KANK1: variants seen among roughly 807,000 people sequenced by gnomAD.
KANK1 encodes KN motif and ankyrin repeat domains 1, also known as KN motif and ankyrin repeat domain-containing protein 1.
Under a neutral mutation model 106.2 loss-of-function variants are expected in KANK1, and 109 were observed. The ratio of observed to expected loss-of-function variants is 1.03; its 90% confidence interval spans 0.88 to 1.20. The LOEUF is 1.20. Ranked by LOEUF, KANK1 falls within the 50% of genes most tolerant of loss-of-function variation. The pLI is 0.00. For missense variants in KANK1, 2,399 were observed against 1,710.7 expected (o/e 1.40, Z -7.10); for synonymous variants, 873 against 652.2 (o/e 1.34, Z -5.16).
At chr9:603,458 G>C (rs1828284993) in intron 1 of KANK1, among the ~76,000 whole-genome samples, 3 of 151,762 alleles carry the variant, frequency 2.0e-5, no homozygotes, top group Non-Finnish European at 4.4e-5. Context: ...CTAATGTAAA[G>C]GTTAGTAATG....
intron 1 of KANK1, among the ~76,000 whole-genome samples, chr9:635,109 C>A (rs1441563974): frequency 6.6e-6 from 1 of 152,150 alleles, no homozygotes; most frequent in Non-Finnish European, 1.5e-5. Flanking sequence ...TGGTAACCAG[C>A]ATGGGGGAAC....
intron 1 of KANK1, among the ~76,000 whole-genome samples, chr9:615,382 A>C (rs1831558786): frequency 6.6e-6 from 1 of 152,098 alleles, no homozygotes. Context: ...TTTTTGCTAG[A>C]ATTCCCTCTT....
chr9:645,126 C>CA (rs56391632), intron 1 of KANK1, among the ~76,000 whole-genome samples: 24,869 of 70,962 alleles, frequency 0.35, 4,267 homozygotes, highest in Non-Finnish European at 0.38. Context: ...TCCATCTCTA[C>CA]AAAAAAAAAA....
At chr9:614,079 C>A (rs150390046) in intron 1 of KANK1, among the ~76,000 whole-genome samples, 15 of 152,278 alleles carry the variant, frequency 9.9e-5, no homozygotes, top group African/African-American at 3.4e-4. Context: ...GCAGAGTGCT[C>A]AGTTCTTGGT....
intron 3 of KANK1, among the ~76,000 whole-genome samples, chr9:497,956 G>A (rs924454916): frequency 6.6e-6 from 1 of 152,038 alleles, no homozygotes; most frequent in Non-Finnish European, 1.5e-5. Flanking sequence ...GTATGACTTC[G>A]GGGATCTCTC....
intron 2 of KANK1, among the ~76,000 whole-genome samples, chr9:685,043 C>G (rs1046579829): frequency 1.3e-5 from 2 of 152,150 alleles, no homozygotes; most frequent in African/African-American, 2.4e-5. Context: ...AGACTCTTTT[C>G]TTTTTCCTTC....
intron 2 of KANK1, among the ~76,000 whole-genome samples, chr9:709,110 C>T (rs1421461415): frequency 6.6e-6 from 1 of 152,154 alleles, no homozygotes; most frequent in East Asian, 1.9e-4. Context: ...CAATACAAAA[C>T]AAGGTGTTCC....
chr9:495,404 T>C (rs1208384504), intron 3 of KANK1: 2 of 152,200 alleles, frequency 1.3e-5, no homozygotes, highest in African/African-American at 4.8e-5. Context: ...CCAGATCCTA[T>C]GAGCAGAGAG....
intron 3 of KANK1, 24 bp from the exon 4 acceptor site, chr9:730,027 C>G (rs1183241746): frequency 6.2e-7 from 1 of 1,604,868 alleles, no homozygotes. Flanking sequence ...ATCACACACT[C>G]TGTACCTTTC....
intron 1 of KANK1, among the ~76,000 whole-genome samples, chr9:651,428 G>T (rs774761912): frequency 2.7e-4 from 41 of 152,164 alleles, no homozygotes; most frequent in Non-Finnish European, 4.6e-4. Context: ...CCTAACAGTG[G>T]CAGGAATAGC....
chr9:578,768 C>T (rs1303236613), intron 1 of KANK1, among the ~76,000 whole-genome samples: 3 of 152,136 alleles, frequency 2.0e-5, no homozygotes, highest in Admixed American at 6.5e-5. Flanking sequence ...TATTCCAAAT[C>T]CTACCAGTTC....
At chr9:629,780 G>T (rs1401465873) in intron 1 of KANK1, among the ~76,000 whole-genome samples, 1 of 152,162 alleles carries the variant, frequency 6.6e-6, no homozygotes, top group African/African-American at 2.4e-5. Context: ...AAGTAGAGAG[G>T]AGAATTAGAC....
At chr9:508,752 A>G (rs1431725537) in intron 1 of KANK1, among the ~76,000 whole-genome samples, 3 of 151,934 alleles carry the variant, frequency 2.0e-5, no homozygotes, top group South Asian at 4.1e-4. Flanking sequence ...CTGCTGTGTA[A>G]TATTCAATTG....
chr9:727,526 G>C (rs1052083180), intron 3 of KANK1, among the ~76,000 whole-genome samples: 1 of 151,970 alleles, frequency 6.6e-6, no homozygotes, highest in Non-Finnish European at 1.5e-5. Context: ...ATGTTGGCCA[G>C]GCTGGTCTCA....
At chr9:537,047 G>A (rs530046739) in intron 1 of KANK1, among the ~76,000 whole-genome samples, 14 of 152,284 alleles carry the variant, frequency 9.2e-5, no homozygotes, top group African/African-American at 2.4e-4. Context: ...AGAGAGAAGC[G>A]AGGAGACCAC....
chr9:740,670 C>G, intron 8 of KANK1, 122 bp from the exon 9 acceptor site: 1 of 1,112,436 alleles, frequency 9.0e-7, no homozygotes, highest in Non-Finnish European at 1.3e-6. Context: ...CACTCTTGGT[C>G]TCCAGCCACC....
intron 3 of KANK1, among the ~76,000 whole-genome samples, chr9:719,683 G>A (rs749032239): frequency 3.9e-5 from 6 of 152,096 alleles, no homozygotes; most frequent in Non-Finnish European, 7.4e-5. Context: ...ACAGATAAAT[G>A]TTACACAGAA....
intron 1 of KANK1, chr9:470,492 A>C (rs572091617): frequency 6.6e-6 from 1 of 152,436 alleles, no homozygotes; most frequent in Admixed American, 6.5e-5. Flanking sequence ...GTGGGCATAG[A>C]CCTGAAATCT....
chr9:715,163 A>G (rs971161526), intron 3 of KANK1, among the ~76,000 whole-genome samples: 16 of 152,324 alleles, frequency 1.1e-4, no homozygotes, highest in Non-Finnish European at 2.1e-4. Context: ...AATGAATATG[A>G]CAGCTCATGT....
Sources: gnomAD v4.1 joint callset for allele counts (sites outside exome capture counted in the v4.1 genomes callset) on GRCh38, gnomAD v4.1.1 for gene constraint, MANE v1.5 for transcripts, NCBI Gene and HGNC (gene_info 2026-07-23, HGNC 2026-07-21) for gene names.